Variants in KMT2C observed in about 807,000 individuals in gnomAD.
The protein encoded by KMT2C is lysine methyltransferase 2C.
KMT2C carries 88 observed loss-of-function variants against 507.9 expected under a neutral mutation model. That is an observed-to-expected ratio of 0.17 (90% CI 0.15 to 0.21). The LOEUF (loss-of-function observed/expected upper bound fraction) is 0.21, where lower values mean the gene tolerates loss of function less well. KMT2C is among the 10% of genes least tolerant of loss of function. KMT2C has a pLI of 1.00. For synonymous variants in KMT2C, 2,049 were observed against 2,080.8 expected (o/e 0.98, Z 0.42); for missense variants, 4,954 against 5,957.8 (o/e 0.83, Z 5.55).
At position 152,162,125 on chromosome 7, in the gene KMT2C, C is replaced by T; in HGVS notation, c.11452G>A (p.Glu3818Lys). 1 of 1,551,804 alleles carries T rather than the reference C, an allele frequency of 6.4e-7. No homozygotes were observed. The highest frequency in any genetic ancestry group is 8.7e-7 in the Non-Finnish European group (1 of 1,153,848). Residue 3818 changes from glutamate to lysine, a missense_variant, in exon 43 of 59, where the codon GAA becomes AAA. By Grantham distance (56) the Glu-to-Lys change is moderately conservative. This residue lies in a region of KMT2C where 801 missense variants were observed against 751.2 expected (regional missense o/e 1.07). Transcript: ENST00000262189. ...TTATGATTTACACTTACCAGTCCTT[C>T]AGCTGGGTTCTGCTTCTCAACTAGT... ...NKLVEKQNPAEGLQTLGAQMQ... is the reference protein window; with the variant it reads ...NKLVEKQNPAKGLQTLGAQMQ...
intron 9 of KMT2C, among the ~76,000 whole-genome samples, chr7:152,255,121 A>G (rs541112204): frequency 1.8e-5 from 2 of 110,484 alleles, no homozygotes; most frequent in South Asian, 5.1e-4. Flanking sequence ...ATATATATAT[A>G]TATATATATA....
chr7:152,333,000 A>G (rs1034179106), intron 2 of KMT2C, among the ~76,000 whole-genome samples: 3 of 152,144 alleles, frequency 2.0e-5, no homozygotes, highest in Non-Finnish European at 4.4e-5. Flanking sequence ...TCACACCAGG[A>G]TCACTTCCTC....
At chr7:152,188,605 C>CCTTTT (rs2093695099) in intron 31 of KMT2C, among the ~76,000 whole-genome samples, 2 of 96,766 alleles carry the variant, frequency 2.1e-5, no homozygotes, top group Non-Finnish European at 3.8e-5. Context: ...TGATTCTTTC[C>CCTTTT]TTTTTTTTTT....
At position 152,199,378 on chromosome 7, in the gene KMT2C, G is replaced by T; in HGVS notation, c.4174C>A (p.Gln1392Lys). The T allele has an allele frequency of 1.2e-6, 2 of 1,603,948 alleles. No individual in the cohort carries two copies. Among genetic ancestry groups the T allele is most frequent in the Non-Finnish European group, 1.7e-6 (2 of 1,176,292 alleles). Residue 1392 changes from glutamine (Q) to lysine (K), a missense_variant, in exon 27 of 59, where the codon CAG becomes AAG. Physicochemically the swap from Gln to Lys is moderately conservative, Grantham distance 53 (BLOSUM62 1). Transcript: ENST00000262189. ...TTCATGTTTGTTTTATATAAAAGCT[G>T]AGCTCCATCTTCTGACAGATTATCT... is the stretch of plus-strand genomic sequence containing the variant. Reference protein sequence around the residue: ...SLDNLSEDGAQLLYKTNMNTG... With the variant: ...SLDNLSEDGAKLLYKTNMNTG...
intron 9 of KMT2C, among the ~76,000 whole-genome samples, chr7:152,255,391 C>G (rs1033024871): frequency 1.3e-5 from 2 of 151,648 alleles, no homozygotes; most frequent in Non-Finnish European, 2.9e-5. Context: ...GTCTCAAACT[C>G]CTGAGCTCAA....
At chr7:152,378,312 T>C (rs1405231853) in intron 1 of KMT2C, among the ~76,000 whole-genome samples, 2 of 152,142 alleles carry the variant, frequency 1.3e-5, no homozygotes, top group African/African-American at 2.4e-5. Context: ...TGTTGTCTTA[T>C]TGTAAGAAAC....
At chr7:152,151,253 C>T (rs1186065997) in intron 50 of KMT2C, among the ~76,000 whole-genome samples, 189 bp downstream of exon 50, 1 of 152,156 alleles carries the variant, frequency 6.6e-6, no homozygotes, top group Non-Finnish European at 1.5e-5. Flanking sequence ...ATAATATTCC[C>T]TTTAACAGCC....
At chr7:152,147,776 C>G (rs115694281) in intron 52 of KMT2C, among the ~76,000 whole-genome samples, 197 of 151,368 alleles carry the variant, frequency 1.3e-3, no homozygotes, top group African/African-American at 4.6e-3. Context: ...GACAGGCAAC[C>G]TTTATCTACA....
At chr7:152,255,144 T>TATACAC (rs1361185988) in intron 9 of KMT2C, among the ~76,000 whole-genome samples, 4 of 120,376 alleles carry the variant, frequency 3.3e-5, no homozygotes, top group Non-Finnish European at 5.1e-5. Flanking sequence ...TATATATATA[T>TATACAC]ACATATATAT....
intron 1 of KMT2C, among the ~76,000 whole-genome samples, chr7:152,417,953 A>G (rs2097756102): frequency 9.8e-6 from 1 of 102,420 alleles, no homozygotes; most frequent in Non-Finnish European, 1.9e-5. Flanking sequence ...CTTTCTTTTA[A>G]AAAAAAAAAA....
intron 31 of KMT2C, among the ~76,000 whole-genome samples, chr7:152,190,996 C>T (rs534379205): frequency 5.4e-4 from 82 of 152,234 alleles, no homozygotes; most frequent in Admixed American, 9.8e-4. Context: ...TTTCACCTAA[C>T]CTTTAAAAGG....
intron 9 of KMT2C, among the ~76,000 whole-genome samples, chr7:152,255,515 T>C (rs1396205230): frequency 6.6e-6 from 1 of 152,012 alleles, no homozygotes; most frequent in Non-Finnish European, 1.5e-5. Flanking sequence ...GAGGTTTTTA[T>C]TGGGGCTACA....
chr7:152,173,282 AT>A (rs1398962474), intron 39 of KMT2C, among the ~76,000 whole-genome samples: 3 of 152,286 alleles, frequency 2.0e-5, no homozygotes, highest in East Asian at 1.9e-4. Context: ...AATCATCCAC[AT>A]TTTTTATATA....
chr7:152,353,932 G>A (rs2097133050), intron 2 of KMT2C, among the ~76,000 whole-genome samples: 12 of 152,290 alleles, frequency 7.9e-5, no homozygotes, highest in Middle Eastern at 3.4e-3. Context: ...AAACTTGAAT[G>A]TGCTTTTAAA....
intron 1 of KMT2C, chr7:152,367,872 T>C (rs1171923323): frequency 2.5e-5 from 27 of 1,062,630 alleles, no homozygotes; most frequent in South Asian, 1.1e-4. Flanking sequence ...ACTTAAACCA[T>C]TGGATATTGA....
chr7:152,316,480 G>C lies in KMT2C; in HGVS notation c.390-1142C>G, dbSNP rs1285056049. On this transcript the variant is annotated intron_variant, in intron 3 of 58. Transcript: ENST00000262189. Reference sequence around the variant, plus strand: ...CATATATAGAATATACACTTACTAAGAGATCTTAGAAAGAATGAAATTAAA... The same window carrying C: ...CATATATAGAATATACACTTACTAACAGATCTTAGAAAGAATGAAATTAAA... Among the ~76,000 whole-genome samples, 7 of 152,078 alleles carry C rather than the reference G, an allele frequency of 4.6e-5. No individual in the cohort carries two copies. In the East Asian group the frequency reaches 1.3e-3, roughly 29 times the overall value.
At chr7:152,379,662 T>A (rs1474127218) in intron 1 of KMT2C, among the ~76,000 whole-genome samples, 1 of 152,024 alleles carries the variant, frequency 6.6e-6, no homozygotes, top group Non-Finnish European at 1.5e-5. Flanking sequence ...ACCCCAGGAG[T>A]TCAAGGCTGC....
intron 1 of KMT2C, among the ~76,000 whole-genome samples, chr7:152,397,747 A>G (rs2097545774): frequency 6.6e-6 from 1 of 152,166 alleles, no homozygotes; most frequent in African/African-American, 2.4e-5. Flanking sequence ...GGTAGTGAAT[A>G]AATCTCACGA....
chr7:152,344,441 A>C (rs1045145397), intron 2 of KMT2C, among the ~76,000 whole-genome samples: 1 of 152,188 alleles, frequency 6.6e-6, no homozygotes, highest in African/African-American at 2.4e-5. Context: ...GTACAACTTA[A>C]AATTTATGAA....
Sources: allele counts gnomAD v4.1 joint callset (sites outside exome capture counted in the v4.1 genomes callset), GRCh38; gene constraint gnomAD v4.1.1; regional missense constraint gnomAD v4.1.1; transcripts MANE v1.5; gene names NCBI Gene and HGNC (gene_info 2026-07-23, HGNC 2026-07-21).